Variants in CNBD1 observed in about 807,000 individuals in gnomAD.
CNBD1 encodes the protein cyclic nucleotide-binding domain-containing protein 1.
A neutral mutation model predicts 54.4 loss-of-function variants in CNBD1; 71 were observed. The observed-to-expected ratio is 1.30, with a 90% CI of 1.08 to 1.59. CNBD1 has a LOEUF of 1.59. CNBD1 is among the 40% of genes most tolerant of loss of function. The pLI, the probability that CNBD1 is intolerant of heterozygous loss-of-function variation, is 0.00. For synonymous variants in CNBD1, 182 were observed against 170.7 expected (o/e 1.07, Z -0.51); for missense variants, 659 against 518.0 (o/e 1.27, Z -2.64).
At chr8:87,202,303 G>C (rs545846021) in intron 4 of CNBD1, among the ~76,000 whole-genome samples, 1 of 152,142 alleles carries the variant, frequency 6.6e-6, no homozygotes, top group South Asian at 2.1e-4. Flanking sequence ...AGACCAAATT[G>C]ATAGAAAACA....
intron 5 of CNBD1, among the ~76,000 whole-genome samples, chr8:87,218,431 T>A (rs1378362687): frequency 3.9e-5 from 6 of 152,144 alleles, no homozygotes; most frequent in Admixed American, 3.9e-4. Flanking sequence ...AATGCTGAAT[T>A]CTATGGCCAC....
At chr8:87,010,185 G>C (rs527363727) in intron 4 of CNBD1, among the ~76,000 whole-genome samples, 1 of 152,042 alleles carries the variant, frequency 6.6e-6, no homozygotes, top group South Asian at 2.1e-4. Flanking sequence ...CCAGACATAG[G>C]CTTCTCAAAT....
intron 2 of CNBD1, among the ~76,000 whole-genome samples, chr8:86,895,238 TGTGTGTGTGTG>T (rs1808832831): frequency 7.3e-6 from 1 of 137,286 alleles, no homozygotes; most frequent in African/African-American, 3.1e-5. Context: ...TTTTTTTCTC[TGTGTGTGTGTG>T]CATGGTGTGT....
At chr8:87,338,265 C>T (rs1370637130) in intron 8 of CNBD1, among the ~76,000 whole-genome samples, 1 of 152,174 alleles carries the variant, frequency 6.6e-6, no homozygotes, top group Non-Finnish European at 1.5e-5. Context: ...TATCTATTAT[C>T]TGACAGTCTT....
At chr8:87,190,515 C>T (rs768956294) in intron 4 of CNBD1, among the ~76,000 whole-genome samples, 6 of 152,120 alleles carry the variant, frequency 3.9e-5, no homozygotes, top group Non-Finnish European at 7.4e-5. Context: ...TCTTTCGCTC[C>T]GAGTTCAATG....
At chr8:87,169,206 T>C (rs1315654133) in intron 4 of CNBD1, among the ~76,000 whole-genome samples, 7 of 152,138 alleles carry the variant, frequency 4.6e-5, no homozygotes, top group Admixed American at 4.6e-4. Flanking sequence ...ATACACATTT[T>C]CCATTTGTAT....
In CNBD1 at chr8:87,151,009, T is replaced by C. The variant is rs377348862; in HGVS notation, c.432-54984T>C. On this transcript the variant is annotated intron_variant, in intron 4 of 10. Coordinates refer to ENST00000518476, the MANE Select transcript of CNBD1 (RefSeq NM_173538.3). ...TCTTCAGGAAGAAGCCTATCTAAAG[T>C]TTGGCTAAGCTGAGGTAACTTTAAG... 4.6e-5 allele frequency among the ~76,000 whole-genome samples: 7 copies of C among 152,192 alleles called. No homozygotes were observed. In the East Asian group the frequency reaches 1.3e-3, roughly 29 times the overall value.
intron 2 of CNBD1, among the ~76,000 whole-genome samples, chr8:87,390,551 A>T (rs1302340823): frequency 6.6e-6 from 1 of 152,204 alleles, no homozygotes; most frequent in Non-Finnish European, 1.5e-5. Context: ...ATATCATCTC[A>T]CACCAGTTAG....
intron 2 of CNBD1, among the ~76,000 whole-genome samples, chr8:87,414,811 A>G (rs906680597): frequency 6.6e-6 from 1 of 152,186 alleles, no homozygotes; most frequent in Admixed American, 6.6e-5. Context: ...AATTTAGTAT[A>G]CATTATTTTT....
chr8:86,990,494 T>C (rs2130526626), intron 4 of CNBD1, among the ~76,000 whole-genome samples: 1 of 152,316 alleles, frequency 6.6e-6, no homozygotes, highest in East Asian at 1.9e-4. Flanking sequence ...AAAAATGAGT[T>C]CAGTGTAGGT....
intron 5 of CNBD1, among the ~76,000 whole-genome samples, chr8:87,221,763 C>A (rs1220798159): frequency 1.3e-5 from 2 of 152,034 alleles, no homozygotes; most frequent in Non-Finnish European, 2.9e-5. Context: ...ACGCTCTGAG[C>A]TCAAAATAAA....
intron 4 of CNBD1, among the ~76,000 whole-genome samples, chr8:87,016,050 C>A (rs1015064020): frequency 6.7e-6 from 1 of 148,760 alleles, no homozygotes; most frequent in Non-Finnish European, 1.5e-5. Flanking sequence ...ATATGTATCA[C>A]GTGGAAGTAA....
intron 8 of CNBD1, among the ~76,000 whole-genome samples, chr8:87,332,058 TA>T (rs1809845513): frequency 1.3e-5 from 2 of 152,230 alleles, no homozygotes; most frequent in African/African-American, 4.8e-5. Context: ...AGAAGCTCTT[TA>T]GTTTAAGGCT....
chr8:87,176,483 A>ATTT (rs35416460), intron 4 of CNBD1, among the ~76,000 whole-genome samples: 2 of 134,412 alleles, frequency 1.5e-5, no homozygotes, highest in Non-Finnish European at 1.6e-5. Flanking sequence ...TTAAGTTAGT[A>ATTT]TTTTTTTTTT....
chr8:87,359,396 G>C (rs1052143378), intron 10 of CNBD1, among the ~76,000 whole-genome samples: 3 of 152,046 alleles, frequency 2.0e-5, no homozygotes, highest in African/African-American at 4.8e-5. Context: ...AAATGTGCTT[G>C]AGGACTAGAT....
At chr8:87,202,446 T>C (rs760210277) in intron 4 of CNBD1, among the ~76,000 whole-genome samples, 1 of 152,186 alleles carries the variant, frequency 6.6e-6, no homozygotes, top group African/African-American at 2.4e-5. Context: ...AGTATCAGAA[T>C]AGCTGATAAA....
intron 4 of CNBD1, among the ~76,000 whole-genome samples, chr8:86,983,790 G>C (rs193094701): frequency 1.3e-5 from 2 of 152,154 alleles, no homozygotes; most frequent in African/African-American, 2.4e-5. Flanking sequence ...AGGTGAATTG[G>C]GTGCTGTTAA....
At chr8:87,012,731 A>G (rs1809250929) in intron 4 of CNBD1, among the ~76,000 whole-genome samples, 1 of 152,192 alleles carries the variant, frequency 6.6e-6, no homozygotes. Context: ...CTTTCTATCA[A>G]TACCAGGTCT....
intron 3 of CNBD1, among the ~76,000 whole-genome samples, chr8:86,935,888 A>G (rs1457838072): frequency 1.3e-5 from 1 of 75,316 alleles, no homozygotes; most frequent in Non-Finnish European, 3.2e-5. Context: ...TCATGCCTGT[A>G]ATCCTAGCAC....
Sources: gnomAD v4.1 joint callset for allele counts (sites outside exome capture counted in the v4.1 genomes callset) on GRCh38, gnomAD v4.1.1 for gene constraint, MANE v1.5 for transcripts, NCBI Gene and HGNC (gene_info 2026-07-23, HGNC 2026-07-21) for gene names.